Variants in SLC39A14 observed in about 807,000 individuals in gnomAD.
SLC39A14 encodes metal cation symporter ZIP14.
Under a neutral mutation model 45.5 loss-of-function variants are expected in SLC39A14, and 19 were observed. The observed-to-expected ratio is 0.42, with a 90% CI of 0.29 to 0.61. The LOEUF (loss-of-function observed/expected upper bound fraction) is 0.61. SLC39A14 is among the 20% of genes least tolerant of loss of function. The probability of loss-of-function intolerance (pLI) is 0.22; values close to 1 mark genes in which losing one functional copy is unlikely to be tolerated. For missense variants in SLC39A14, 447 were observed against 616.5 expected (o/e 0.73, Z 2.91); for synonymous variants, 264 against 251.3 (o/e 1.05, Z -0.48).
Position 22,421,083 on chromosome 8 carries a change from A to T in SLC39A14, c.*1385A>T, listed in dbSNP as rs990219801. On this transcript the variant is annotated 3_prime_UTR_variant, in exon 9 of 9. Transcript: ENST00000381237. ...TCACTAGGTGAATTGATTTATTATT[A>T]TCATATTGATAATGTGAGATTCTTT... is the stretch of plus-strand genomic sequence containing the variant. 2 of 985,638 alleles carry T rather than the reference A, an allele frequency of 2.0e-6. No homozygotes were observed. The highest frequency in any genetic ancestry group is 2.4e-6 in the Non-Finnish European group (2 of 829,906). 61.1% of individuals were successfully genotyped at this position (985,638 alleles called of 1,614,324 possible).
At chr8:22,372,013 G>A (rs1832966794) in intron 1 of SLC39A14, among the ~76,000 whole-genome samples, 1 of 152,126 alleles carries the variant, frequency 6.6e-6, no homozygotes, top group South Asian at 2.1e-4. Context: ...AAAGTGCTGG[G>A]ATTACAGGTG....
chr8:22,405,327 A>G (rs60946611), intron 2 of SLC39A14, among the ~76,000 whole-genome samples: 47,484 of 152,108 alleles, frequency 0.31, 10,228 homozygotes, highest in African/African-American at 0.63. Flanking sequence ...AGCCTGGCCA[A>G]CATGGTGAAA....
chr8:22,399,151 C>G (rs994955761), intron 1 of SLC39A14, among the ~76,000 whole-genome samples: 1 of 152,170 alleles, frequency 6.6e-6, no homozygotes, highest in African/African-American at 2.4e-5. Context: ...CCTGGGGGGA[C>G]TGGAGTGGCT....
At chr8:22,427,337 T>C (rs116761089), downstream of SLC39A14, among the ~76,000 whole-genome samples, 1,255 of 152,188 alleles carry the variant, frequency 8.2e-3, 20 homozygotes, top group African/African-American at 0.029. Flanking sequence ...TGCGTTTGGC[T>C]AACATTTTAA....
chr8:22,415,026 AAT>A (rs1835791426), intron 5 of SLC39A14, 124 bp downstream of exon 5: 2 of 1,197,546 alleles, frequency 1.7e-6, no homozygotes, highest in African/African-American at 3.1e-5. Flanking sequence ...GTGAAACTCT[AAT>A]TTCTTGAGGA....
intron 2 of SLC39A14, among the ~76,000 whole-genome samples, chr8:22,405,382 G>A (rs1402877528): frequency 1.3e-5 from 2 of 152,180 alleles, no homozygotes; most frequent in Non-Finnish European, 2.9e-5. Flanking sequence ...GCATGGTGGC[G>A]GATGCCTGTG....
chr8:22,404,946 C>A lies in SLC39A14; in HGVS notation c.236C>A (p.Thr79Asn). The change falls in exon 2 of 9, where the codon ACC (threonine) becomes AAC (asparagine). Residue 79 changes from threonine to asparagine, a missense_variant. Transcript: ENST00000381237. The part of the protein sequence containing the change: ...LDVGVGRGNV[T>N]QHVQGHRNLS... Reference sequence around the variant, plus strand: ...GTGGGAGTGGGCCGGGGTAATGTCACCCAGCACGTGCAAGGACACAGGAAC... The same window carrying A: ...GTGGGAGTGGGCCGGGGTAATGTCAACCAGCACGTGCAAGGACACAGGAAC... The A allele has an allele frequency of 4.3e-6, 7 of 1,614,128 alleles. No homozygotes were observed. Among genetic ancestry groups the A allele is most frequent in the Non-Finnish European group, 5.9e-6 (7 of 1,180,032 alleles).
At chr8:22,406,395 T>G (rs1835210552) in intron 2 of SLC39A14, among the ~76,000 whole-genome samples, 1 of 133,184 alleles carries the variant, frequency 7.5e-6, no homozygotes, top group African/African-American at 3.1e-5. Flanking sequence ...GCCTCAAAAG[T>G]TGGGGGGGAG....
chr8:22,383,460 T>C (rs1833621405), intron 1 of SLC39A14, among the ~76,000 whole-genome samples: 2 of 152,050 alleles, frequency 1.3e-5, no homozygotes, highest in Admixed American at 1.3e-4. Flanking sequence ...TGGGAGCAAG[T>C]GGGGTGGGGT....
At chr8:22,376,546 C>T (rs919295444) in intron 1 of SLC39A14, among the ~76,000 whole-genome samples, 2 of 151,728 alleles carry the variant, frequency 1.3e-5, no homozygotes, top group African/African-American at 4.8e-5. Flanking sequence ...TTGATTTCCA[C>T]ACTGAAAAAA....
intron 1 of SLC39A14, among the ~76,000 whole-genome samples, chr8:22,368,544 T>G (rs538970625): frequency 0.014 from 1,357 of 98,568 alleles, 13 homozygotes; most frequent in Non-Finnish European, 0.021. Context: ...TTATTGTATT[T>G]TATTTTATTT....
intron 2 of SLC39A14, among the ~76,000 whole-genome samples, chr8:22,405,892 G>A (rs1835182374): frequency 6.6e-6 from 1 of 152,152 alleles, no homozygotes; most frequent in Non-Finnish European, 1.5e-5. Flanking sequence ...TTTATATATC[G>A]ACTTTGTTCC....
At chr8:22,386,865 T>C (rs1833821389) in intron 1 of SLC39A14, among the ~76,000 whole-genome samples, 2 of 152,186 alleles carry the variant, frequency 1.3e-5, no homozygotes, top group Admixed American at 1.3e-4. Flanking sequence ...CCTTGAAGAA[T>C]GAGCAGCATT....
rs189627621 is a variant in SLC39A14, at chr8:22,380,812, G to A, written c.-16+13404G>A. The stretch of plus-strand genomic sequence containing the variant: ...CCATTTCAGCCTTCCAAGTAGCTGG[G>A]ACTACAGGCATGTACCACCATGCCA... On this transcript the variant is annotated intron_variant, in intron 1 of 8. Transcript: ENST00000381237. Among the ~76,000 whole-genome samples the A allele has an allele frequency of 2.0e-4, 30 of 151,954 alleles. No individual in the cohort carries two copies. In the East Asian group the frequency reaches 5.8e-3, roughly 29 times the overall value.
In SLC39A14 at chr8:22,422,418, G is replaced by GT. The variant is rs1356218908; in HGVS notation, c.*2721dup. ...AAGAAGGCTTCTCTGTTTGGGTAGC[G>GT]TAAGAGCTGAGTATAGTAAGTCCTC... is the stretch of plus-strand genomic sequence containing the variant. On this transcript the variant is annotated 3_prime_UTR_variant, in exon 9 of 9. Transcript: ENST00000381237. 3 of 985,704 alleles carry GT rather than the reference G, an allele frequency of 3.0e-6. No homozygotes were observed. In the African/African-American group the frequency reaches 5.2e-5, roughly 17 times the overall value. 61.1% of individuals were successfully genotyped at this position (985,704 alleles called of 1,614,324 possible). A position where few individuals can be genotyped will look rare whatever the true frequency, so the allele number is the denominator to read the frequency against.
intron 8 of SLC39A14, among the ~76,000 whole-genome samples, chr8:22,419,085 C>G (rs1836064874): frequency 6.6e-6 from 1 of 152,124 alleles, no homozygotes. Context: ...TTATTTTTAG[C>G]CAGCCTCTAA....
chr8:22,405,472 C>G (rs1326491924), intron 2 of SLC39A14, among the ~76,000 whole-genome samples: 1 of 152,160 alleles, frequency 6.6e-6, no homozygotes, highest in African/African-American at 2.4e-5. Context: ...AAGATCGAGC[C>G]ATTGCACTCC....
At chr8:22,397,736 A>C (rs1471581313) in intron 1 of SLC39A14, among the ~76,000 whole-genome samples, 2 of 152,158 alleles carry the variant, frequency 1.3e-5, no homozygotes, top group African/African-American at 4.8e-5. Flanking sequence ...ACTCACAGAG[A>C]GCTAACCTTG....
chr8:22,382,685 T>A (rs1055691222), intron 1 of SLC39A14, among the ~76,000 whole-genome samples: 7 of 152,020 alleles, frequency 4.6e-5, no homozygotes, highest in African/African-American at 7.2e-5. Context: ...TTTAAAAAAA[T>A]AAATAAATAA....
Sources: allele counts gnomAD v4.1 joint callset (sites outside exome capture counted in the v4.1 genomes callset), GRCh38; gene constraint gnomAD v4.1.1; transcripts MANE v1.5; gene names NCBI Gene and HGNC (gene_info 2026-07-23, HGNC 2026-07-21).